The following CNTN5 variants were observed in gnomAD, a reference collection of about 807,000 sequenced individuals.
CNTN5 encodes contactin-5.
CNTN5 carries 77 observed loss-of-function variants against 129.1 expected under a neutral mutation model. That is an observed-to-expected ratio of 0.60 (90% CI 0.50 to 0.72). The LOEUF is 0.72. Among genes scored for constraint, CNTN5 ranks in the 30% least tolerant of loss-of-function variants. CNTN5 has a pLI of 0.00. For synonymous variants in CNTN5, 509 were observed against 465.6 expected, an observed-to-expected ratio of 1.09 and a Z score of -1.20; for missense variants, 1,478 against 1,328.8, an observed-to-expected ratio of 1.11 and a Z score of -1.75.
intron 9 of CNTN5, among the ~76,000 whole-genome samples, chr11:100,045,568 C>G (rs997050141): frequency 1.3e-5 from 2 of 151,982 alleles, no homozygotes; most frequent in African/African-American, 2.4e-5. Flanking sequence ...TGGGACTTGT[C>G]TAATGCTTTA....
chr11:99,995,695 T>C (rs1939397211), intron 8 of CNTN5, among the ~76,000 whole-genome samples: 1 of 152,148 alleles, frequency 6.6e-6, no homozygotes, highest in Non-Finnish European at 1.5e-5. Context: ...CCCAAACACA[T>C]GCACAGTCTC....
At chr11:100,236,770 T>C (rs1402294304) in intron 16 of CNTN5, among the ~76,000 whole-genome samples, 2 of 152,108 alleles carry the variant, frequency 1.3e-5, no homozygotes, top group African/African-American at 4.8e-5. Context: ...GAAGGCCTGC[T>C]CCTTTCCCTA....
intron 3 of CNTN5, among the ~76,000 whole-genome samples, chr11:99,717,272 C>A (rs1251264798): frequency 6.6e-6 from 1 of 151,888 alleles, no homozygotes; most frequent in Non-Finnish European, 1.5e-5. Context: ...TGTTACTATT[C>A]TTTTAAACAA....
chr11:99,332,924 C>T (rs1246857634), intron 2 of CNTN5, among the ~76,000 whole-genome samples: 1 of 152,008 alleles, frequency 6.6e-6, no homozygotes, highest in Non-Finnish European at 1.5e-5. Flanking sequence ...TTAGCGCAAC[C>T]GTATTTCTTT....
chr11:99,092,561 A>C (rs937008987), intron 1 of CNTN5, among the ~76,000 whole-genome samples: 5 of 152,228 alleles, frequency 3.3e-5, no homozygotes, highest in Admixed American at 2.6e-4. Context: ...AGCTCAATGA[A>C]TAAAAATGTA....
At chr11:99,864,515 C>T (rs1047530397) in intron 6 of CNTN5, among the ~76,000 whole-genome samples, 3 of 152,052 alleles carry the variant, frequency 2.0e-5, no homozygotes, top group African/African-American at 7.2e-5. Flanking sequence ...TGTAGTCTTC[C>T]CTCGATTCCA....
chr11:99,301,446 G>A (rs1042318036), intron 1 of CNTN5, among the ~76,000 whole-genome samples: 2 of 151,652 alleles, frequency 1.3e-5, no homozygotes, highest in Non-Finnish European at 3.0e-5. Flanking sequence ...ATGGCTATAC[G>A]AAGATCAGAC....
intron 1 of CNTN5, among the ~76,000 whole-genome samples, chr11:99,050,795 T>C (rs1864396311): frequency 6.6e-6 from 1 of 151,914 alleles, no homozygotes; most frequent in South Asian, 2.1e-4. Context: ...AAATTGAATA[T>C]ATGTTTTCAT....
At chr11:99,962,329 C>T (rs1191671889) in intron 8 of CNTN5, among the ~76,000 whole-genome samples, 1 of 143,648 alleles carries the variant, frequency 7.0e-6, no homozygotes, top group East Asian at 2.3e-4. Flanking sequence ...CACAACAAGC[C>T]CCGGTGTGAG....
At chr11:99,361,996 G>A (rs1049376998) in intron 2 of CNTN5, among the ~76,000 whole-genome samples, 1 of 151,938 alleles carries the variant, frequency 6.6e-6, no homozygotes, top group Non-Finnish European at 1.5e-5. Context: ...ATGAATTGCT[G>A]GATAATATGA....
chr11:99,921,137 T>A (rs1949928860), intron 7 of CNTN5, among the ~76,000 whole-genome samples: 1 of 152,182 alleles, frequency 6.6e-6, no homozygotes, highest in Admixed American at 6.5e-5. Context: ...TTCTGTTGTT[T>A]AAGTCATCCA....
At chr11:100,281,527 T>A (rs1950639901) in intron 18 of CNTN5, among the ~76,000 whole-genome samples, 1 of 152,200 alleles carries the variant, frequency 6.6e-6, no homozygotes, top group African/African-American at 2.4e-5. Context: ...TCTTTATCCT[T>A]GAGCTTTGGA....
chr11:99,211,449 G>A lies in CNTN5; in HGVS notation c.-209-113897G>A, dbSNP rs575126777. On this transcript the variant is annotated intron_variant, in intron 1 of 24. Coordinates refer to ENST00000524871, the MANE Select transcript of CNTN5 (RefSeq NM_014361.4). ...TTTTTAAAACTCTGATGCCATGTGAGTCATATGTGACATATTTTGTGATAT... is the reference window on the plus strand; with the variant it reads ...TTTTTAAAACTCTGATGCCATGTGAATCATATGTGACATATTTTGTGATAT... Among the ~76,000 whole-genome samples, 64 of 152,102 alleles carry A rather than the reference G, an allele frequency of 4.2e-4. 2 individuals carry two copies. The South Asian group carries it at 0.013, about 31-fold the overall frequency.
At position 99,236,830 on chromosome 11, in the gene CNTN5, G is replaced by A. The variant is rs563480601; in HGVS notation, c.-209-88516G>A. ...TCATCAGATGAAATTTAGAGTCATT[G>A]TCAAGTTTTCCTTGGTCTTCATTCA... On this transcript the variant is annotated intron_variant, in intron 1 of 24. Transcript: ENST00000524871. Among the ~76,000 whole-genome samples, 645 of 151,982 alleles carry A rather than the reference G, an allele frequency of 4.2e-3. 4 individuals are homozygous for A. Among genetic ancestry groups the A allele is most frequent in the Non-Finnish European group, 6.6e-3 (451 of 67,954 alleles).
chr11:99,718,331 T>C (rs1943053986), intron 3 of CNTN5, among the ~76,000 whole-genome samples: 3 of 152,124 alleles, frequency 2.0e-5, no homozygotes, highest in Admixed American at 1.3e-4. Context: ...GACTAACTTG[T>C]TCATAATATA....
At chr11:99,508,251 A>C (rs1946698573) in intron 2 of CNTN5, among the ~76,000 whole-genome samples, 1 of 152,170 alleles carries the variant, frequency 6.6e-6, no homozygotes, top group Non-Finnish European at 1.5e-5. Context: ...CTGAGTAATT[A>C]ATTTGTATAA....
chr11:99,573,494 A>G lies in CNTN5; in HGVS notation c.55+17225A>G, dbSNP rs541409497. 3.3e-5 allele frequency among the ~76,000 whole-genome samples: 5 copies of G among 152,040 alleles called. No individual in the cohort carries two copies. The East Asian group carries it at 7.9e-4, about 24-fold the overall frequency. On this transcript the variant is annotated intron_variant, in intron 3 of 24. Transcript: ENST00000524871. Reference sequence around the variant, plus strand: ...CTGAGGCAGGAGAATGGCGTGAACCAGGAAGGCGGAGTTTGCAGTGAGCCC... The same window carrying G: ...CTGAGGCAGGAGAATGGCGTGAACCGGGAAGGCGGAGTTTGCAGTGAGCCC...
At chr11:99,989,521 A>G (rs1901861) in intron 8 of CNTN5, among the ~76,000 whole-genome samples, 56,575 of 151,620 alleles carry the variant, frequency 0.37, 11,767 homozygotes, top group African/African-American at 0.57. Flanking sequence ...AGACACATAC[A>G]CACACACTTC....
intron 1 of CNTN5, among the ~76,000 whole-genome samples, chr11:99,092,245 G>T (rs190513484): frequency 4.0e-5 from 6 of 151,892 alleles, no homozygotes; most frequent in Non-Finnish European, 5.9e-5. Flanking sequence ...AAAGTTAATC[G>T]GTAGTCCAAT....
Sources: gnomAD v4.1 joint callset for allele counts (sites outside exome capture counted in the v4.1 genomes callset) on GRCh38, gnomAD v4.1.1 for gene constraint, MANE v1.5 for transcripts, NCBI Gene and HGNC (gene_info 2026-07-23, HGNC 2026-07-21) for gene names.